Variants in SMIM13 observed in about 807,000 individuals in gnomAD.
SMIM13 encodes the protein small integral membrane protein 13, also known as UPF0766 protein C6orf228.
In SMIM13, 3 loss-of-function variants were observed where a neutral mutation model predicts 5.9. That is an observed-to-expected ratio of 0.51 (90% CI 0.23 to 1.31). SMIM13 has a LOEUF of 1.31. SMIM13 is among the 40% of genes most tolerant of loss of function. SMIM13 has a pLI of 0.18. For missense variants in SMIM13, 85 were observed against 109.9 expected (o/e 0.77, Z 1.01); for synonymous variants, 55 against 46.0 (o/e 1.19, Z -0.79).
chr6:11,114,379 CCTGATCTTT>C (rs1467164252), intron 1 of SMIM13, among the ~76,000 whole-genome samples: 1 of 152,102 alleles, frequency 6.6e-6, no homozygotes, highest in African/African-American at 2.4e-5. Context: ...GACCTTCCTC[CCTGATCTTT>C]TGGAGTGAAA....
intron 1 of SMIM13, among the ~76,000 whole-genome samples, chr6:11,129,133 CCTCT>C (rs1375793682): frequency 6.6e-6 from 1 of 151,972 alleles, no homozygotes; most frequent in Non-Finnish European, 1.5e-5. Context: ...CTGCCTCCCT[CCTCT>C]CTAATTGTAT....
intron 1 of SMIM13, among the ~76,000 whole-genome samples, chr6:11,126,239 G>A (rs901769792): frequency 5.9e-5 from 9 of 152,136 alleles, no homozygotes; most frequent in African/African-American, 1.4e-4. Flanking sequence ...TAGTAGGGGC[G>A]GGATTTCACT....
intron 1 of SMIM13, among the ~76,000 whole-genome samples, chr6:11,101,208 C>A (rs540776353): frequency 3.3e-5 from 5 of 151,946 alleles, no homozygotes; most frequent in Admixed American, 6.6e-5. Flanking sequence ...TTTTAGCTGT[C>A]CAGTTTTTAA....
Position 11,135,379 on chromosome 6 carries a change from C to T in SMIM13, c.*777C>T, listed in dbSNP as rs1427188033. On this transcript the variant is annotated 3_prime_UTR_variant, in exon 2 of 2. Coordinates refer to ENST00000416247, the MANE Select transcript of SMIM13 (RefSeq NM_001135575.2). The stretch of plus-strand genomic sequence containing the variant: ...ACGTGCAAAAGGATTGCCTATCACA[C>T]GCCAAGCAATGCAATTGAAGGCAGG... 7 of 152,574 alleles carry T rather than the reference C, an allele frequency of 4.6e-5. No homozygotes were observed. The highest frequency in any genetic ancestry group is 1.4e-4 in the African/African-American group (6 of 41,430). The allele number at this position is 152,574 out of a possible 1,614,324, so 9.5% of individuals were successfully genotyped here.
intron 1 of SMIM13, among the ~76,000 whole-genome samples, chr6:11,118,214 G>T (rs540861178): frequency 6.6e-6 from 1 of 152,164 alleles, no homozygotes; most frequent in African/African-American, 2.4e-5. Context: ...ATAATCAAAA[G>T]GAATGTTTTT....
intron 1 of SMIM13, among the ~76,000 whole-genome samples, chr6:11,099,081 A>G (rs1195331730): frequency 1.3e-5 from 2 of 152,124 alleles, no homozygotes; most frequent in African/African-American, 4.8e-5. Context: ...AAGGTCTCCT[A>G]TCCAGTCCTA....
rs1334692990 is a variant in SMIM13 at position 11,116,978 on chromosome 6, GTTTCTT to G, written c.77-17421_77-17416del. Among the ~76,000 whole-genome samples, 269 of 67,698 alleles carry G rather than the reference GTTTCTT, an allele frequency of 4.0e-3. 3 individuals are homozygous for G. The highest frequency in any genetic ancestry group is 7.1e-3 in the Non-Finnish European group (235 of 33,304). The allele number at this position is 67,698 out of a possible 152,430, so 44.4% of individuals were successfully genotyped here. A position where few individuals can be genotyped will look rare whatever the true frequency, so the allele number is the denominator to read the frequency against. On this transcript the variant is annotated intron_variant, in intron 1 of 1. Coordinates refer to ENST00000416247, the MANE Select transcript of SMIM13 (RefSeq NM_001135575.2). ...AGAAAATAGACATTTAATGATAATTGTTTCTTTTTTTTTTTTTTTTTTTTTTTTTTT... is the reference window on the plus strand; with the variant it reads ...AGAAAATAGACATTTAATGATAATTGTTTTTTTTTTTTTTTTTTTTTTTTT...
intron 1 of SMIM13, among the ~76,000 whole-genome samples, chr6:11,096,698 TTTTCTTTTTTC>T (rs1757928221): frequency 6.6e-6 from 1 of 151,878 alleles, no homozygotes; most frequent in African/African-American, 2.4e-5. Flanking sequence ...TTGCTTTTTT[TTTTCTTTTTTC>T]TTTTTTTGAG....
rs1039537380 is a variant in SMIM13, at chr6:11,138,272, A to C, written c.*3670A>C. 2.0e-5 allele frequency: 3 copies of C among 152,232 alleles called. No homozygotes were observed. Among genetic ancestry groups the C allele is most frequent in the Admixed American group, 1.3e-4 (2 of 15,280 alleles). 9.4% of individuals were successfully genotyped at this position (152,232 alleles called of 1,614,324 possible). A position where few individuals can be genotyped will look rare whatever the true frequency, so the allele number is the denominator to read the frequency against. ...GTTCTGTTGTGAAGTCTAGAACTAA[A>C]GCACCTTGTATTGTCTGCTTCTAAA... On this transcript the variant is annotated 3_prime_UTR_variant, in exon 2 of 2. Transcript: ENST00000416247.
intron 1 of SMIM13, among the ~76,000 whole-genome samples, chr6:11,118,860 G>A (rs1043337683): frequency 6.6e-6 from 1 of 152,156 alleles, no homozygotes; most frequent in Non-Finnish European, 1.5e-5. Context: ...CATACCCTTT[G>A]AGAATGGGTA....
chr6:11,097,299 C>G (rs1025528881), intron 1 of SMIM13, among the ~76,000 whole-genome samples: 5 of 152,166 alleles, frequency 3.3e-5, no homozygotes, highest in African/African-American at 4.8e-5. Context: ...ATAAGGACAT[C>G]AGTCGCTGGA....
At chr6:11,120,629 G>A (rs1211485912) in intron 1 of SMIM13, among the ~76,000 whole-genome samples, 2 of 152,116 alleles carry the variant, frequency 1.3e-5, no homozygotes, top group African/African-American at 2.4e-5. Flanking sequence ...TAGCAAAATC[G>A]TATTCTCATT....
At chr6:11,104,037 G>C in intron 1 of SMIM13, 3 of 1,551,726 alleles carry the variant, frequency 1.9e-6, no homozygotes, top group South Asian at 2.4e-5. Context: ...TCCCTGTGCT[G>C]CCGTTAACAT....
intron 1 of SMIM13, among the ~76,000 whole-genome samples, chr6:11,121,043 G>T (rs1291951831): frequency 6.6e-6 from 1 of 152,176 alleles, no homozygotes; most frequent in Admixed American, 6.5e-5. Flanking sequence ...TTGAACAAAT[G>T]CTTAGTTATT....
intron 1 of SMIM13, among the ~76,000 whole-genome samples, chr6:11,133,039 C>T (rs1386569789): frequency 4.6e-5 from 7 of 152,144 alleles, no homozygotes; most frequent in Non-Finnish European, 8.8e-5. Flanking sequence ...TGCCAGGCAC[C>T]TAAGCCCTTT....
chr6:11,114,229 C>T (rs1388176612), intron 1 of SMIM13, among the ~76,000 whole-genome samples: 1 of 152,068 alleles, frequency 6.6e-6, no homozygotes, highest in Non-Finnish European at 1.5e-5. Flanking sequence ...ATCTACCTGC[C>T]TCGCCCTCCC....
At chr6:11,111,446 G>C (rs375880986) in intron 1 of SMIM13, among the ~76,000 whole-genome samples, 8 of 152,238 alleles carry the variant, frequency 5.3e-5, no homozygotes, top group African/African-American at 1.4e-4. Flanking sequence ...TGTCTGGGGG[G>C]GCCATTAGTG....
At chr6:11,099,837 G>A (rs1757969244) in intron 1 of SMIM13, among the ~76,000 whole-genome samples, 2 of 152,086 alleles carry the variant, frequency 1.3e-5, no homozygotes, top group African/African-American at 2.4e-5. Flanking sequence ...CGTGGTAGAT[G>A]CTCCATCCAT....
chr6:11,134,514 A>C lies in SMIM13; in HGVS notation c.188A>C (p.Glu63Ala). 1 of 1,551,178 alleles carries C rather than the reference A, an allele frequency of 6.4e-7. No homozygotes were observed. Among genetic ancestry groups the C allele is most frequent in the Non-Finnish European group, 8.7e-7 (1 of 1,146,630 alleles). ...GDHEPSGSET[E>A]EDTSSSPHRI... ...CATGAGCCTTCAGGGTCTGAAACTGAAGAAGACACTTCCTCCTCTCCACAC... is the reference window on the plus strand; with the variant it reads ...CATGAGCCTTCAGGGTCTGAAACTGCAGAAGACACTTCCTCCTCTCCACAC... Residue 63 changes from glutamate (E) to alanine (A), a missense_variant, in exon 2 of 2, where the codon GAA becomes GCA. Physicochemically the swap from Glu to Ala is moderately radical, Grantham distance 107. Coordinates refer to ENST00000416247, the MANE Select transcript of SMIM13 (RefSeq NM_001135575.2).
Sources: gnomAD v4.1 joint callset for allele counts (sites outside exome capture counted in the v4.1 genomes callset) on GRCh38, gnomAD v4.1.1 for gene constraint, MANE v1.5 for transcripts, NCBI Gene and HGNC (gene_info 2026-07-23, HGNC 2026-07-21) for gene names.